Variants in ITGA1 observed in about 807,000 individuals in gnomAD.
The protein encoded by ITGA1 is integrin alpha-1.
A neutral mutation model predicts 145.9 loss-of-function variants in ITGA1; 85 were observed. That is an observed-to-expected ratio of 0.58 (90% confidence interval 0.49 to 0.70). ITGA1 has a LOEUF of 0.70. Among genes scored for constraint, ITGA1 ranks in the 30% least tolerant of loss-of-function variants. The pLI, the probability that ITGA1 is intolerant of heterozygous loss-of-function variation, is 0.00. For synonymous variants in ITGA1, 520 were observed against 495.3 expected, an observed-to-expected ratio of 1.05 and a Z score of -0.66; for missense variants, 1,351 against 1,418.7, an observed-to-expected ratio of 0.95 and a Z score of 0.77.
chr5:52,949,876 A>T (rs1413383968), intron 28 of ITGA1, among the ~76,000 whole-genome samples: 1 of 148,908 alleles, frequency 6.7e-6, no homozygotes, highest in African/African-American at 2.5e-5. Flanking sequence ...TTCTAACTAG[A>T]TCTGGATCAG....
chr5:52,942,194 G>A (rs193157598), intron 26 of ITGA1, among the ~76,000 whole-genome samples: 12 of 152,248 alleles, frequency 7.9e-5, no homozygotes, highest in Admixed American at 2.6e-4. Flanking sequence ...AGTAGAGTTC[G>A]AAGTCAGGCA....
chr5:52,947,228 C>T (rs1248831095), intron 27 of ITGA1, 117 bp from the exon 28 acceptor site: 9 of 630,914 alleles, frequency 1.4e-5, no homozygotes, highest in Non-Finnish European at 2.3e-5. Context: ...AATGTTTTCT[C>T]ATTATATAGT....
At chr5:52,933,115 A>G (rs1055103988) in intron 22 of ITGA1, 13 of 152,030 alleles carry the variant, frequency 8.6e-5, no homozygotes, top group African/African-American at 2.9e-4. Context: ...TGTCTCAAAC[A>G]TTTATCTTTT....
At chr5:52,812,760 A>T (rs1748701577) in intron 1 of ITGA1, among the ~76,000 whole-genome samples, 1 of 147,036 alleles carries the variant, frequency 6.8e-6, no homozygotes, top group Non-Finnish European at 1.5e-5. Context: ...TAAGAGCGCA[A>T]TTTAAGTTCA....
At chr5:52,793,298 A>G (rs1167149085) in intron 1 of ITGA1, among the ~76,000 whole-genome samples, 5 of 152,088 alleles carry the variant, frequency 3.3e-5, no homozygotes, top group African/African-American at 1.2e-4. Flanking sequence ...TTGACTATTG[A>G]CAAACTCAGA....
At chr5:52,869,834 T>G (rs1749749982) in intron 6 of ITGA1, among the ~76,000 whole-genome samples, 1 of 152,208 alleles carries the variant, frequency 6.6e-6, no homozygotes, top group Admixed American at 6.5e-5. Context: ...TAATCTTTTT[T>G]TTTCTATTTT....
rs1249426412 is a variant in ITGA1 at position 52,800,334 on chromosome 5, G to A, written c.61+11920G>A. On this transcript the variant is annotated intron_variant, in intron 1 of 28. Transcript: ENST00000282588. ...GGCCTGCATTCCCATCCCCTCTCCCGGGGCGGAGGTGAGGACCTCCTTGGT... is the reference window on the plus strand; with the variant it reads ...GGCCTGCATTCCCATCCCCTCTCCCAGGGCGGAGGTGAGGACCTCCTTGGT... The A allele has an allele frequency of 3.8e-6, 6 of 1,591,218 alleles. No individual in the cohort carries two copies. In the Admixed American group the frequency reaches 8.5e-5, roughly 23 times the overall value.
At chr5:52,819,919 G>A (rs1199242418) in intron 1 of ITGA1, among the ~76,000 whole-genome samples, 3 of 152,066 alleles carry the variant, frequency 2.0e-5, no homozygotes, top group Non-Finnish European at 2.9e-5. Context: ...TTTCCCCATT[G>A]CTTGTTTTTC....
intron 1 of ITGA1, among the ~76,000 whole-genome samples, chr5:52,823,329 C>T (rs1304770863): frequency 6.6e-5 from 10 of 152,188 alleles, no homozygotes; most frequent in East Asian, 1.9e-4. Flanking sequence ...CTCAGCCTCC[C>T]GAGTAGCTGG....
At chr5:52,799,302 T>C (rs1748405972) in intron 1 of ITGA1, among the ~76,000 whole-genome samples, 1 of 152,202 alleles carries the variant, frequency 6.6e-6, no homozygotes, top group Non-Finnish European at 1.5e-5. Flanking sequence ...TCAATCAGGG[T>C]CAGTCCTAGT....
chr5:52,820,052 TG>T (rs56716316), intron 1 of ITGA1, among the ~76,000 whole-genome samples: 46,402 of 151,706 alleles, frequency 0.31, 7,693 homozygotes, highest in African/African-American at 0.44. Context: ...ACTGTAGCCT[TG>T]TAGTATAATT....
chr5:52,878,830 G>A (rs1749909342), intron 6 of ITGA1, among the ~76,000 whole-genome samples: 1 of 152,106 alleles, frequency 6.6e-6, no homozygotes, highest in African/African-American at 2.4e-5. Context: ...ATAGAGAGGA[G>A]GAGATAATTG....
intron 23 of ITGA1, among the ~76,000 whole-genome samples, chr5:52,936,533 C>A (rs1750967492): frequency 6.6e-6 from 1 of 152,092 alleles, no homozygotes; most frequent in South Asian, 2.1e-4. Context: ...CGTTCCCTAC[C>A]CAGCTAAAGA....
At chr5:52,842,495 G>A (rs1032454937) in intron 1 of ITGA1, among the ~76,000 whole-genome samples, 3 of 152,064 alleles carry the variant, frequency 2.0e-5, no homozygotes, top group Non-Finnish European at 4.4e-5. Flanking sequence ...CTGCCAAATG[G>A]TATACTGATT....
intron 1 of ITGA1, among the ~76,000 whole-genome samples, chr5:52,823,290 C>T (rs1257334567): frequency 2.6e-5 from 4 of 152,106 alleles, no homozygotes; most frequent in Admixed American, 6.6e-5. Context: ...CTGCAACCTC[C>T]GCCTCCCGGG....
chr5:52,922,261 G>A lies in ITGA1; in HGVS notation c.2293-516G>A, dbSNP rs552333368. Among the ~76,000 whole-genome samples the A allele has an allele frequency of 7.2e-5, 11 of 151,988 alleles. No individual in the cohort carries two copies. In the South Asian group the frequency reaches 8.3e-4, roughly 11 times the overall value. On this transcript the variant is annotated intron_variant, in intron 17 of 28. Transcript: ENST00000282588. The stretch of plus-strand genomic sequence containing the variant: ...GGTTGCAGTGAGCCGAGATCGTGCC[G>A]CTGTACTCCAGCCTGGGTGACAGAG...
chr5:52,870,285 C>T lies in ITGA1; in HGVS notation c.624+4468C>T, dbSNP rs1749758675. On this transcript the variant is annotated intron_variant, in intron 6 of 28. Transcript: ENST00000282588. ...AGAATTAACTTCTGGAATTTATTCT[C>T]CCCTTTATGTATTCTATCTCTGTTT... Among the ~76,000 whole-genome samples the T allele has an allele frequency of 1.3e-5, 2 of 152,114 alleles. 1 individual carries two copies. Among genetic ancestry groups the T allele is most frequent in the African/African-American group, 4.8e-5 (2 of 41,416 alleles).
intron 1 of ITGA1, among the ~76,000 whole-genome samples, chr5:52,842,451 T>G (rs1426557689): frequency 6.6e-6 from 1 of 152,172 alleles, no homozygotes; most frequent in Non-Finnish European, 1.5e-5. Flanking sequence ...GTCATCAAAA[T>G]TAGGGAAAAG....
intron 1 of ITGA1, among the ~76,000 whole-genome samples, chr5:52,809,002 T>TA (rs1325621197): frequency 6.6e-6 from 1 of 152,174 alleles, no homozygotes; most frequent in Admixed American, 6.5e-5. Flanking sequence ...AAAAATGCCT[T>TA]AAACCCTCCT....
Sources: gnomAD v4.1 joint callset for allele counts (sites outside exome capture counted in the v4.1 genomes callset) on GRCh38, gnomAD v4.1.1 for gene constraint, MANE v1.5 for transcripts, NCBI Gene and HGNC (gene_info 2026-07-23, HGNC 2026-07-21) for gene names.